The following RBFOX3 variants were observed in gnomAD, a reference collection of about 807,000 sequenced individuals.
RBFOX3 encodes the protein RNA binding fox-1 homolog 3, also known as RNA binding protein fox-1 homolog 3.
RBFOX3 carries 17 observed loss-of-function variants against 48.7 expected under a neutral mutation model. The observed-to-expected ratio is 0.35, with a 90% CI of 0.24 to 0.52. The LOEUF (loss-of-function observed/expected upper bound fraction) is 0.52. Among genes scored for constraint, RBFOX3 ranks in the 20% least tolerant of loss-of-function variants. RBFOX3 has a pLI of 0.94. For missense variants in RBFOX3, 382 were observed against 497.5 expected (o/e 0.77, Z 2.21); for synonymous variants, 212 against 209.5 (o/e 1.01, Z -0.10).
At chr17:79,422,778 G>A (rs2066657738) in intron 2 of RBFOX3, among the ~76,000 whole-genome samples, 1 of 152,136 alleles carries the variant, frequency 6.6e-6, no homozygotes, top group African/African-American at 2.4e-5. Context: ...ACCCCCCTGT[G>A]TAGCTGCATT....
intron 3 of RBFOX3, among the ~76,000 whole-genome samples, chr17:79,257,874 CCTGGT>C (rs2065138299): frequency 6.6e-6 from 1 of 152,094 alleles, no homozygotes; most frequent in Non-Finnish European, 1.5e-5. Flanking sequence ...AGCCACCATG[CCTGGT>C]CTGTCCTTTG....
chr17:79,615,592 C>G (rs963365708), upstream of RBFOX3, among the ~76,000 whole-genome samples: 1 of 152,210 alleles, frequency 6.6e-6, no homozygotes, highest in East Asian at 1.9e-4. Flanking sequence ...GTGAGCCTGG[C>G]CCCTGCTCCC....
chr17:79,199,373 G>A lies in RBFOX3; in HGVS notation c.-34+36393C>T, dbSNP rs562914618. On this transcript the variant is annotated intron_variant, in intron 4 of 14. Coordinates refer to ENST00000693108, the MANE Select transcript of RBFOX3 (RefSeq NM_001350451.2). The surrounding 1 kb of genome is among the most constrained non-coding windows in gnomAD (Gnocchi z 5.1). ...GTGGGAGGGTCAGACTCAGAGGAGGGAGCATTCCCAGGAGCCTCCAACCCT... is the reference window on the plus strand; with the variant it reads ...GTGGGAGGGTCAGACTCAGAGGAGGAAGCATTCCCAGGAGCCTCCAACCCT... 2.0e-5 allele frequency among the ~76,000 whole-genome samples: 3 copies of A among 152,090 alleles called. No individual in the cohort carries two copies. The highest frequency in any genetic ancestry group is 1.9e-4 in the East Asian group (1 of 5,188).
chr17:79,103,130 G>T lies in RBFOX3; in HGVS notation c.507+32C>A. 1.3e-6 allele frequency: 2 copies of T among 1,496,254 alleles called. No individual in the cohort carries two copies. Among genetic ancestry groups the T allele is most frequent in the Non-Finnish European group, 1.8e-6 (2 of 1,097,538 alleles). 92.7% of individuals were successfully genotyped at this position (1,496,254 alleles called of 1,614,324 possible). A position where few individuals can be genotyped will look rare whatever the true frequency, so the allele number is the denominator to read the frequency against. On this transcript the variant is annotated intron_variant, in intron 8 of 14. Coordinates refer to ENST00000693108, the MANE Select transcript of RBFOX3 (RefSeq NM_001350451.2). The surrounding 1 kb of genome is among the most constrained non-coding windows in gnomAD (Gnocchi z 6.1). The stretch of plus-strand genomic sequence containing the variant: ...TGGGGGGCAGGTGGGCGATCTTGGG[G>T]CATCCCTGCCGCAGCACACTTATCT...
chr17:79,240,483 C>T lies in RBFOX3; in HGVS notation c.-73-4678G>A, dbSNP rs1036505673. On this transcript the variant is annotated intron_variant, in intron 3 of 14. Transcript: ENST00000693108. The stretch of plus-strand genomic sequence containing the variant: ...TGTGTCCCCAGCTCTTTGATAAAGT[C>T]AATTTCTTAGCAGTGGCCATCATGT... Among the ~76,000 whole-genome samples, 10 of 152,288 alleles carry T rather than the reference C, an allele frequency of 6.6e-5. No individual in the cohort carries two copies. In the East Asian group the frequency reaches 1.7e-3, roughly 26 times the overall value.
intron 3 of RBFOX3, among the ~76,000 whole-genome samples, chr17:79,244,141 G>T (rs1453944322): frequency 2.6e-5 from 4 of 152,200 alleles, no homozygotes; most frequent in Non-Finnish European, 5.9e-5. Flanking sequence ...AATTAGTGAA[G>T]ATGAGGTCAT....
intron 4 of RBFOX3, among the ~76,000 whole-genome samples, chr17:79,142,050 T>C (rs2042024594): frequency 6.6e-6 from 1 of 152,162 alleles, no homozygotes; most frequent in South Asian, 2.1e-4. Context: ...AGGGAAAAGG[T>C]TGGTGCTGCT....
intron 4 of RBFOX3, among the ~76,000 whole-genome samples, chr17:79,168,930 G>A (rs1456106355): frequency 1.3e-5 from 2 of 152,196 alleles, no homozygotes; most frequent in Non-Finnish European, 2.9e-5. Flanking sequence ...TACCAGATCC[G>A]TAGCAATGCA....
At chr17:79,296,914 T>G (rs1416616026) in intron 3 of RBFOX3, among the ~76,000 whole-genome samples, 2 of 88,766 alleles carry the variant, frequency 2.3e-5, no homozygotes, top group East Asian at 3.9e-4. Flanking sequence ...CTCCTCCCCA[T>G]CCCCTCTCTC....
chr17:79,651,246 G>C, the RBFOX3 span, among the ~76,000 whole-genome samples: 1 of 152,186 alleles, frequency 6.6e-6, no homozygotes, highest in South Asian at 2.1e-4. Context: ...CTCAGGGTTG[G>C]CTTCTGGAGG....
At chr17:79,173,749 T>C (rs913192177) in intron 4 of RBFOX3, among the ~76,000 whole-genome samples, 16 of 151,804 alleles carry the variant, frequency 1.1e-4, no homozygotes, top group African/African-American at 3.9e-4. Flanking sequence ...CTTTGCTGAT[T>C]TTACCCCAGG....
the RBFOX3 span, among the ~76,000 whole-genome samples, chr17:79,618,981 G>GCAA: frequency 3.3e-5 from 5 of 152,148 alleles, no homozygotes; most frequent in Non-Finnish European, 7.3e-5. Context: ...GGAGATGGAG[G>GCAA]CAACAGGGCA....
At chr17:79,599,971 A>G (rs1420064511) in intron 1 of RBFOX3, 7 of 152,390 alleles carry the variant, frequency 4.6e-5, no homozygotes, top group African/African-American at 1.7e-4. Context: ...GAGTGCTGGC[A>G]TCTCATTTCC....
At chr17:79,097,806 T>C in intron 9 of RBFOX3, 61 bp from the exon 10 acceptor site, 2 of 1,512,588 alleles carry the variant, frequency 1.3e-6, no homozygotes, top group Non-Finnish European at 1.8e-6. Flanking sequence ...CACCAAAACG[T>C]ATGCCTGGGA....
chr17:79,603,313 C>G (rs990812910), intron 1 of RBFOX3, among the ~76,000 whole-genome samples: 12 of 151,970 alleles, frequency 7.9e-5, no homozygotes, highest in Non-Finnish European at 1.3e-4. Flanking sequence ...CTCTTGACAC[C>G]CCGCTGGCAG....
chr17:79,638,310 T>C, the RBFOX3 span, among the ~76,000 whole-genome samples: 2 of 93,404 alleles, frequency 2.1e-5, no homozygotes, highest in Non-Finnish European at 5.3e-5. Flanking sequence ...GTTGGTTTTT[T>C]TTTTTTTTTT....
At chr17:79,292,205 A>G (rs1309740318) in intron 3 of RBFOX3, among the ~76,000 whole-genome samples, 1 of 152,208 alleles carries the variant, frequency 6.6e-6, no homozygotes, top group Non-Finnish European at 1.5e-5. Context: ...AGGACACTTC[A>G]CAGGACCTGA....
chr17:79,118,135 C>T (rs921790393), intron 4 of RBFOX3, among the ~76,000 whole-genome samples: 13 of 152,050 alleles, frequency 8.5e-5, no homozygotes, highest in Admixed American at 2.0e-4. Context: ...CAGCGGGGGC[C>T]GTCTCGGTGC....
chr17:79,339,718 C>T (rs2146610654), intron 2 of RBFOX3, among the ~76,000 whole-genome samples: 1 of 152,358 alleles, frequency 6.6e-6, no homozygotes, highest in South Asian at 2.1e-4. Flanking sequence ...GGCACAGCAA[C>T]TGTTGGCCTG....
Sources: allele counts gnomAD v4.1 joint callset (sites outside exome capture counted in the v4.1 genomes callset), GRCh38; gene constraint gnomAD v4.1.1; non-coding constraint Gnocchi (gnomAD v3.1); transcripts MANE v1.5; gene names NCBI Gene and HGNC (gene_info 2026-07-23, HGNC 2026-07-21).